SRGAP1: variants seen among roughly 807,000 people sequenced by gnomAD.
SRGAP1 encodes SLIT-ROBO Rho GTPase-activating protein 1.
Under a neutral mutation model 121.9 loss-of-function variants are expected in SRGAP1, and 43 were observed. That is an observed-to-expected ratio of 0.35 (90% CI 0.28 to 0.46). The LOEUF (loss-of-function observed/expected upper bound fraction) is 0.46, where lower values mean the gene tolerates loss of function less well. SRGAP1 is among the 20% of genes least tolerant of loss of function. The pLI is 1.00. For missense variants in SRGAP1, 1,102 were observed against 1,350.9 expected, an observed-to-expected ratio of 0.82 and a Z score of 2.89; for synonymous variants, 447 against 485.4, an observed-to-expected ratio of 0.92 and a Z score of 1.04.
intron 1 of SRGAP1, among the ~76,000 whole-genome samples, chr12:63,963,653 G>A (rs2032705931): frequency 6.6e-6 from 1 of 152,060 alleles, no homozygotes; most frequent in South Asian, 2.1e-4. Context: ...CAATCTAATT[G>A]TAATTTTTTA....
chr12:63,969,379 T>G (rs2032874277), intron 1 of SRGAP1, among the ~76,000 whole-genome samples: 1 of 152,196 alleles, frequency 6.6e-6, no homozygotes, highest in Non-Finnish European at 1.5e-5. Flanking sequence ...TAACCTACTC[T>G]TTCGTTCTAA....
At chr12:64,109,480 C>A (rs2036398587) in intron 16 of SRGAP1, among the ~76,000 whole-genome samples, 1 of 152,120 alleles carries the variant, frequency 6.6e-6, no homozygotes, top group African/African-American at 2.4e-5. Context: ...AGAATTTCTG[C>A]AAATTCACTG....
chr12:63,995,247 A>G (rs1403797309), intron 3 of SRGAP1, among the ~76,000 whole-genome samples: 1 of 152,234 alleles, frequency 6.6e-6, no homozygotes. Context: ...TTCTTCACCA[A>G]TAATGATATC....
intron 1 of SRGAP1, among the ~76,000 whole-genome samples, chr12:63,886,901 T>C (rs1900404713): frequency 6.6e-6 from 1 of 151,966 alleles, no homozygotes; most frequent in East Asian, 1.9e-4. Context: ...TGAGATGGAG[T>C]CTCGCTCTGT....
intron 2 of SRGAP1, among the ~76,000 whole-genome samples, chr12:63,985,143 G>T (rs1172507449): frequency 6.6e-6 from 1 of 152,124 alleles, no homozygotes; most frequent in African/African-American, 2.4e-5. Context: ...TATCTGTTCT[G>T]CATTGGAGGT....
intron 1 of SRGAP1, among the ~76,000 whole-genome samples, chr12:63,956,034 T>A (rs1373140078): frequency 6.6e-6 from 1 of 152,300 alleles, no homozygotes; most frequent in African/African-American, 2.4e-5. Flanking sequence ...GTCACTGATG[T>A]CTGTTAGCCC....
chr12:64,027,546 G>T (rs2034680234), intron 4 of SRGAP1, among the ~76,000 whole-genome samples: 1 of 152,012 alleles, frequency 6.6e-6, no homozygotes, highest in Non-Finnish European at 1.5e-5. Context: ...GCACAGAGTT[G>T]GGAAAAAGCA....
chr12:63,914,682 T>TTCTGAGCTGG (rs2136320561), intron 1 of SRGAP1, among the ~76,000 whole-genome samples: 1 of 152,298 alleles, frequency 6.6e-6, no homozygotes, highest in African/African-American at 2.4e-5. Context: ...TGGTGTTTGT[T>TTCTGAGCTGG]TCTGAGCTGG....
At chr12:63,887,125 C>T (rs181771544) in intron 1 of SRGAP1, among the ~76,000 whole-genome samples, 1 of 151,324 alleles carries the variant, frequency 6.6e-6, no homozygotes, top group African/African-American at 2.4e-5. Flanking sequence ...CCACCTGCTT[C>T]AGCCTCCCAA....
intron 1 of SRGAP1, among the ~76,000 whole-genome samples, chr12:63,852,986 A>G (rs560904445): frequency 4.0e-5 from 6 of 151,792 alleles, no homozygotes; most frequent in Non-Finnish European, 7.4e-5. Flanking sequence ...GATCATTCAG[A>G]ATTATCTAGG....
At chr12:64,006,189 G>A (rs1471329827) in intron 3 of SRGAP1, among the ~76,000 whole-genome samples, 2 of 152,140 alleles carry the variant, frequency 1.3e-5, no homozygotes, top group Non-Finnish European at 2.9e-5. Flanking sequence ...AGGAACTGGG[G>A]GAAGTACATT....
chr12:64,059,002 G>A (rs943099035), intron 6 of SRGAP1, among the ~76,000 whole-genome samples: 9 of 152,060 alleles, frequency 5.9e-5, no homozygotes, highest in African/African-American at 2.2e-4. Context: ...CACCATAGGG[G>A]TCAGAGAAGG....
chr12:64,066,716 C>A (rs762403053), intron 8 of SRGAP1, among the ~76,000 whole-genome samples: 4 of 152,106 alleles, frequency 2.6e-5, no homozygotes, highest in Non-Finnish European at 5.9e-5. Flanking sequence ...AAGATGCAAC[C>A]AATGTCATCT....
intron 1 of SRGAP1, among the ~76,000 whole-genome samples, chr12:63,855,471 G>GTGTTTTT (rs1899207534): frequency 1.0e-5 from 1 of 95,960 alleles, no homozygotes; most frequent in African/African-American, 4.2e-5. Flanking sequence ...ATGAAAAATG[G>GTGTTTTT]TGTTTTTTTT....
intron 18 of SRGAP1, among the ~76,000 whole-genome samples, chr12:64,116,224 T>C (rs1592336297): frequency 8.1e-6 from 1 of 123,692 alleles, no homozygotes; most frequent in Non-Finnish European, 1.6e-5. Flanking sequence ...GCCACTGCCC[T>C]CCAGCCTGGG....
chr12:64,059,681 T>C (rs80054282), intron 6 of SRGAP1, among the ~76,000 whole-genome samples: 1 of 152,168 alleles, frequency 6.6e-6, no homozygotes, highest in African/African-American at 2.4e-5. Flanking sequence ...GATAGAATAA[T>C]TTTTCAGGCC....
chr12:64,112,125 AT>A, intron 17 of SRGAP1, 139 bp downstream of exon 17: 1 of 675,684 alleles, frequency 1.5e-6, no homozygotes, highest in Non-Finnish European at 2.5e-6. Context: ...CTTGAAATAA[AT>A]TTTTAGAATA....
intron 1 of SRGAP1, chr12:63,982,639 A>G (rs1027165575): frequency 6.6e-6 from 1 of 152,214 alleles, no homozygotes; most frequent in Non-Finnish European, 1.5e-5. Flanking sequence ...TTATTTGGAC[A>G]TTGATTTCTA....
intron 4 of SRGAP1, among the ~76,000 whole-genome samples, chr12:64,023,418 C>T (rs747466572): frequency 3.9e-5 from 6 of 152,132 alleles, no homozygotes; most frequent in East Asian, 1.9e-4. Context: ...GTGTTAAGCC[C>T]GTCCCACTAC....
Sources: allele counts gnomAD v4.1 joint callset (sites outside exome capture counted in the v4.1 genomes callset), GRCh38; gene constraint gnomAD v4.1.1; transcripts MANE v1.5; gene names NCBI Gene and HGNC (gene_info 2026-07-23, HGNC 2026-07-21).